Variants in POMT2 observed in about 807,000 individuals in gnomAD.
POMT2 encodes protein O-mannosyl-transferase 2.
In POMT2, 75 loss-of-function variants were observed where a neutral mutation model predicts 100.0. That is an observed-to-expected ratio of 0.75 (90% CI 0.62 to 0.91). POMT2 has a LOEUF of 0.91. Ranked by LOEUF, POMT2 falls within the 40% of genes least tolerant of loss-of-function variation. The pLI is 0.00. For synonymous variants in POMT2, 378 were observed against 374.1 expected (o/e 1.01, Z -0.12); for missense variants, 940 against 955.1 (o/e 0.98, Z 0.21).
intron 8 of POMT2, among the ~76,000 whole-genome samples, chr14:77,298,186 T>C (rs933824455): frequency 1.3e-5 from 2 of 152,164 alleles, no homozygotes; most frequent in Non-Finnish European, 2.9e-5. Context: ...TCTGATGCCC[T>C]TAACCGCCCA....
At chr14:77,300,544 G>A (rs1019813850) in intron 6 of POMT2, 6 of 164,060 alleles carry the variant, frequency 3.7e-5, no homozygotes, top group Admixed American at 2.3e-4. Flanking sequence ...TTCAGACCGG[G>A]CTCGGTGGCT....
At chr14:77,304,073 C>T (rs1457815979) in intron 4 of POMT2, among the ~76,000 whole-genome samples, 3 of 152,210 alleles carry the variant, frequency 2.0e-5, no homozygotes, top group Non-Finnish European at 4.4e-5. Flanking sequence ...TCTGTCAAAA[C>T]AAAGCAACAT....
chr14:77,278,981 C>T lies in POMT2; in HGVS notation c.1892-112G>A, dbSNP rs150510281. Reference sequence around the variant, plus strand: ...TGTGACCTTGAATATGTCATATCACCTCATTGGACCAACCCAAACCACGCT... The same window carrying T: ...TGTGACCTTGAATATGTCATATCACTTCATTGGACCAACCCAAACCACGCT... On this transcript the variant is annotated intron_variant, in intron 18 of 20. Transcript: ENST00000261534. 1,836 of 1,375,208 alleles carry T rather than the reference C, an allele frequency of 1.3e-3. 12 individuals are homozygous for T. The Middle Eastern group carries it at 0.016, about 12-fold the overall frequency. The allele number at this position is 1,375,208 out of a possible 1,614,324, so 85.2% of individuals were successfully genotyped here.
At chr14:77,309,303 T>G (rs1891355486) in intron 2 of POMT2, among the ~76,000 whole-genome samples, 1 of 152,220 alleles carries the variant, frequency 6.6e-6, no homozygotes, top group African/African-American at 2.4e-5. Context: ...ACGTGCAGGC[T>G]TTTTTATGTT....
chr14:77,278,658 C>A, intron 19 of POMT2, 71 bp downstream of exon 19: 2 of 1,591,622 alleles, frequency 1.3e-6, no homozygotes. Flanking sequence ...GAGTCACTCC[C>A]AGCACTGCTG....
chr14:77,310,114 T>A (rs926345083), intron 2 of POMT2, among the ~76,000 whole-genome samples: 3 of 152,242 alleles, frequency 2.0e-5, no homozygotes, highest in Non-Finnish European at 4.4e-5. Flanking sequence ...AAAATCTTCA[T>A]CAGAAATCTG....
chr14:77,290,253 G>A (rs116512205), intron 10 of POMT2, among the ~76,000 whole-genome samples: 9 of 152,214 alleles, frequency 5.9e-5, no homozygotes, highest in Admixed American at 3.3e-4. Context: ...ACCACATGAC[G>A]GAAGTAAAAC....
chr14:77,277,811 C>T (rs561914633), intron 20 of POMT2, among the ~76,000 whole-genome samples: 2 of 152,328 alleles, frequency 1.3e-5, no homozygotes, highest in African/African-American at 2.4e-5. Context: ...TCACAGGCCA[C>T]AGGCCCAGCA....
chr14:77,279,173 C>T, intron 18 of POMT2: 1 of 474,632 alleles, frequency 2.1e-6, no homozygotes, highest in South Asian at 2.0e-5. Flanking sequence ...CTTCCACCTC[C>T]CACATCTTTG....
At chr14:77,306,122 A>G in intron 3 of POMT2, 1 of 667,654 alleles carries the variant, frequency 1.5e-6, no homozygotes, top group Non-Finnish European at 2.4e-6. Flanking sequence ...TATCTATGTC[A>G]TCTCTGTATT....
chr14:77,302,464 G>A (rs1891076591), intron 5 of POMT2, among the ~76,000 whole-genome samples: 1 of 152,110 alleles, frequency 6.6e-6, no homozygotes, highest in South Asian at 2.1e-4. Context: ...CCCTGTCCCG[G>A]GATTTCCTAA....
intron 8 of POMT2, among the ~76,000 whole-genome samples, chr14:77,297,522 C>T (rs1261346413): frequency 6.6e-6 from 1 of 152,188 alleles, no homozygotes; most frequent in Non-Finnish European, 1.5e-5. Context: ...ACCCCTCTCG[C>T]GTGGAATTCA....
intron 11 of POMT2, chr14:77,287,518 G>C (rs8013788): frequency 0.18 from 19,003 of 107,308 alleles, 1,439 homozygotes; most frequent in Non-Finnish European, 0.2. Context: ...CTCTGTCTCT[G>C]TCTCTCTCTC....
chr14:77,285,283 C>A, intron 13 of POMT2, 198 bp downstream of exon 13: 2 of 758,522 alleles, frequency 2.6e-6, no homozygotes, highest in South Asian at 1.8e-5. Flanking sequence ...GTTGAACTAT[C>A]AGAACACATA....
chr14:77,296,184 T>C lies in POMT2; in HGVS notation c.1096A>G (p.Ile366Val), dbSNP rs748234371. Residue 366 changes from isoleucine (I) to valine (V), a missense_variant, in exon 9 of 21, where the codon ATT becomes GTT. Physicochemically the swap from Ile to Val is conservative, Grantham distance 29. Coordinates refer to ENST00000261534, the MANE Select transcript of POMT2 (RefSeq NM_013382.7). ...CTGACCTGCTGCTGACGGGCACCAA[T>C]GCCCTCGGGGTAGAGGTGCCTGTGG... ...HSHRHLYPEG[I>V]GARQQQVTTY... 1.2e-6 allele frequency: 2 copies of C among 1,605,902 alleles called. No homozygotes were observed. Among genetic ancestry groups the C allele is most frequent in the Non-Finnish European group, 8.5e-7 (1 of 1,176,820 alleles).
At chr14:77,293,648 G>T (rs1890721095) in intron 9 of POMT2, among the ~76,000 whole-genome samples, 1 of 152,198 alleles carries the variant, frequency 6.6e-6, no homozygotes, top group African/African-American at 2.4e-5. Context: ...AGATTATTTA[G>T]TCCAATCCCC....
chr14:77,278,351 T>C, intron 20 of POMT2, 43 bp downstream of exon 20: 2 of 1,402,572 alleles, frequency 1.4e-6, no homozygotes, highest in Non-Finnish European at 2.0e-6. Context: ...GAGGCACTGC[T>C]GAGCCCACAC....
In POMT2 at chr14:77,291,370, T is replaced by C. The variant is rs1180170796; in HGVS notation, c.1127A>G (p.Tyr376Cys). The change falls in exon 10 of 21, where the codon TAT becomes TGT. Residue 376 changes from tyrosine (Y) to cysteine (C), a missense_variant. By Grantham distance (194) the Tyr-to-Cys change is radical. Coordinates refer to ENST00000261534, the MANE Select transcript of POMT2 (RefSeq NM_013382.7). ...IGARQQQVTT[Y>C]LHKDYNNLWI... ...CAGGTTGTTGTAGTCCTTGTGCAAA[T>C]AGGTGGTGACCTGGGTGGGGGGTGG... 13 of 1,227,004 alleles carry C rather than the reference T, an allele frequency of 1.1e-5. No individual in the cohort carries two copies. The highest frequency in any genetic ancestry group is 2.5e-4 in the Middle Eastern group (1 of 3,942). 76.0% of individuals were successfully genotyped at this position (1,227,004 alleles called of 1,614,324 possible).
chr14:77,314,325 G>A (rs1193145128), intron 1 of POMT2, among the ~76,000 whole-genome samples: 2 of 152,164 alleles, frequency 1.3e-5, no homozygotes, highest in South Asian at 2.1e-4. Flanking sequence ...TCAGCACCAC[G>A]TGGGACTTAG....
Sources: gnomAD v4.1 joint callset for allele counts (sites outside exome capture counted in the v4.1 genomes callset) on GRCh38, gnomAD v4.1.1 for gene constraint, MANE v1.5 for transcripts, NCBI Gene and HGNC (gene_info 2026-07-23, HGNC 2026-07-21) for gene names.